The following TEX14 variants were observed in gnomAD, a reference collection of about 807,000 sequenced individuals.
The protein encoded by TEX14 is testis expressed 14, intercellular bridge forming factor.
TEX14 carries 168 observed loss-of-function variants against 178.6 expected under a neutral mutation model. The observed-to-expected ratio is 0.94, with a 90% confidence interval of 0.83 to 1.07. TEX14 has a LOEUF of 1.07. Ranked by LOEUF, TEX14 falls within the 50% of genes least tolerant of loss-of-function variation. The probability of loss-of-function intolerance (pLI) is 0.00; values close to 1 mark genes in which losing one functional copy is unlikely to be tolerated. For synonymous variants in TEX14, 626 were observed against 634.1 expected (o/e 0.99, Z 0.19); for missense variants, 1,730 against 1,753.6 (o/e 0.99, Z 0.24).
intron 23 of TEX14, 68 bp from the exon 24 acceptor site, chr17:58,572,194 CTTTGTT>C: frequency 1.6e-6 from 2 of 1,275,494 alleles, no homozygotes; most frequent in Non-Finnish European, 1.1e-6. Flanking sequence ...TCCTTTTTCC[CTTTGTT>C]TTTGTTTTTT....
At chr17:58,614,932 T>C (rs1458322240) in intron 8 of TEX14, among the ~76,000 whole-genome samples, 1 of 152,164 alleles carries the variant, frequency 6.6e-6, no homozygotes, top group Non-Finnish European at 1.5e-5. Flanking sequence ...TCAGGGATTG[T>C]AGCATGAGAA....
chr17:58,622,216 G>A (rs974163599), intron 4 of TEX14, among the ~76,000 whole-genome samples: 2 of 152,192 alleles, frequency 1.3e-5, no homozygotes, highest in African/African-American at 4.8e-5. Flanking sequence ...GGAGGCCAAG[G>A]TGGGCGAATC....
chr17:58,622,780 T>C (rs1465874648), intron 4 of TEX14, 67 bp downstream of exon 4: 1 of 1,493,876 alleles, frequency 6.7e-7, no homozygotes, highest in South Asian at 1.2e-5. Context: ...TGCTGACCAC[T>C]GGGAGCCTGA....
intron 17 of TEX14, among the ~76,000 whole-genome samples, chr17:58,586,565 A>G (rs1402592358): frequency 6.6e-6 from 1 of 152,218 alleles, no homozygotes; most frequent in Non-Finnish European, 1.5e-5. Context: ...AAAAATAGAC[A>G]TTATATCCTT....
At chr17:58,635,341 A>G (rs1321593522) in intron 2 of TEX14, among the ~76,000 whole-genome samples, 4 of 152,134 alleles carry the variant, frequency 2.6e-5, no homozygotes, top group Non-Finnish European at 4.4e-5. Context: ...ATAGTTATTG[A>G]CAAGAAGAAA....
At chr17:58,592,389 C>T (rs954045030) in intron 15 of TEX14, among the ~76,000 whole-genome samples, 20 of 151,030 alleles carry the variant, frequency 1.3e-4, no homozygotes, top group African/African-American at 4.6e-4. Flanking sequence ...GGCTGGACTG[C>T]AGTGGCGCGA....
chr17:58,612,735 C>CAAAA (rs35618114), intron 9 of TEX14, among the ~76,000 whole-genome samples: 1 of 97,098 alleles, frequency 1.0e-5, no homozygotes, highest in African/African-American at 4.1e-5. Flanking sequence ...ACTCTTGTCT[C>CAAAA]AAAAAAAAAA....
intron 2 of TEX14, chr17:58,631,836 T>TA (rs2046322453): frequency 6.6e-6 from 1 of 152,184 alleles, no homozygotes; most frequent in African/African-American, 2.4e-5. Flanking sequence ...AATATAGTCT[T>TA]AATGTCCATT....
At chr17:58,576,697 C>A (rs892461987) in intron 21 of TEX14, among the ~76,000 whole-genome samples, 5 of 152,156 alleles carry the variant, frequency 3.3e-5, no homozygotes, top group Admixed American at 2.0e-4. Context: ...CCTTCCTTAA[C>A]CCCTGGCAAC....
chr17:58,572,752 G>A (rs1371040283), intron 23 of TEX14, among the ~76,000 whole-genome samples: 1 of 152,054 alleles, frequency 6.6e-6, no homozygotes, highest in East Asian at 1.9e-4. Flanking sequence ...AAAATAAACG[G>A]TGATTTTTTA....
intron 9 of TEX14, among the ~76,000 whole-genome samples, chr17:58,612,421 T>C (rs2144518239): frequency 6.6e-6 from 1 of 152,016 alleles, no homozygotes; most frequent in East Asian, 1.9e-4. Flanking sequence ...GGACCATGAT[T>C]CTATTAAAAT....
At chr17:58,592,480 G>T (rs1396939492) in intron 15 of TEX14, among the ~76,000 whole-genome samples, 1 of 151,930 alleles carries the variant, frequency 6.6e-6, no homozygotes, top group Non-Finnish European at 1.5e-5. Flanking sequence ...GACTATAGGC[G>T]CCCGCCACCA....
chr17:58,563,689 A>C (rs1567989039), intron 28 of TEX14, among the ~76,000 whole-genome samples: 1 of 71,774 alleles, frequency 1.4e-5, no homozygotes, highest in Non-Finnish European at 2.7e-5. Flanking sequence ...AGAGAGAGAG[A>C]GAGAGAGAGA....
chr17:58,595,250 T>C (rs2045252659), intron 14 of TEX14, among the ~76,000 whole-genome samples: 1 of 152,194 alleles, frequency 6.6e-6, no homozygotes, highest in Admixed American at 6.5e-5. Context: ...GAAAAATGCA[T>C]TTAGATGGAG....
rs575938111 is a variant in TEX14, at chr17:58,609,401, G to A, written c.1184+1760C>T. 7.2e-5 allele frequency among the ~76,000 whole-genome samples: 11 copies of A among 152,144 alleles called. No homozygotes were observed. In the South Asian group the frequency reaches 1.2e-3, roughly 17 times the overall value. On this transcript the variant is annotated intron_variant, in intron 10 of 31. Transcript: ENST00000349033. ...TGGGATTACAGGCATGCGCCACCAC[G>A]CCTGGCTAATTTTGTATTTTTAGTA...
At chr17:58,623,041 T>C in intron 3 of TEX14, 29 bp from the exon 4 acceptor site, 1 of 1,570,538 alleles carries the variant, frequency 6.4e-7, no homozygotes, top group Non-Finnish European at 8.7e-7. Flanking sequence ...ACAATTGATG[T>C]CCATGGCAAT....
In TEX14 at chr17:58,602,582, G is replaced by A; in HGVS notation, c.1345C>T (p.Pro449Ser). ...IMQEILTDDI[P>S]WKGLDGSVVK... Reference sequence around the variant, plus strand: ...ACTGAGCCATCTAAGCCCTTCCAGGGTATGTCATCTGTAAGGAAAAAGTCA... The same window carrying A: ...ACTGAGCCATCTAAGCCCTTCCAGGATATGTCATCTGTAAGGAAAAAGTCA... The change falls in exon 12 of 32, where the codon CCC becomes TCC. Residue 449 changes from proline (P) to serine (S), a missense_variant. Physicochemically the swap from Pro to Ser is moderately conservative, Grantham distance 74. Transcript: ENST00000349033. 3 of 1,610,012 alleles carry A rather than the reference G, an allele frequency of 1.9e-6. No homozygotes were observed. Among genetic ancestry groups the A allele is most frequent in the East Asian group, 2.2e-5 (1 of 44,812 alleles).
intron 13 of TEX14, among the ~76,000 whole-genome samples, chr17:58,601,231 T>C (rs2144478849): frequency 6.6e-6 from 1 of 151,286 alleles, no homozygotes; most frequent in South Asian, 2.1e-4. Context: ...ACTAAAAATT[T>C]AAAAAGTAAG....
At chr17:58,602,106 G>GC in intron 12 of TEX14, 150 bp from the exon 13 acceptor site, 1 of 820,908 alleles carries the variant, frequency 1.2e-6, no homozygotes, top group Non-Finnish European at 1.9e-6. Context: ...TATTGTTATT[G>GC]CCAATACCTT....
Sources: gnomAD v4.1 joint callset for allele counts (sites outside exome capture counted in the v4.1 genomes callset) on GRCh38, gnomAD v4.1.1 for gene constraint, MANE v1.5 for transcripts, NCBI Gene and HGNC (gene_info 2026-07-23, HGNC 2026-07-21) for gene names.